SNX29: variants seen among roughly 807,000 people sequenced by gnomAD.
The protein encoded by SNX29 is sorting nexin-29.
Under a neutral mutation model 102.1 loss-of-function variants are expected in SNX29, and 78 were observed. That is an observed-to-expected ratio of 0.76 (90% CI 0.64 to 0.92). The LOEUF (loss-of-function observed/expected upper bound fraction) is 0.92. Among genes scored for constraint, SNX29 ranks in the 40% least tolerant of loss-of-function variants. The pLI, the probability that SNX29 is intolerant of heterozygous loss-of-function variation, is 0.00. For synonymous variants in SNX29, 580 were observed against 414.5 expected (o/e 1.40, Z -4.85); for missense variants, 1,280 against 1,061.7 (o/e 1.21, Z -2.86).
intron 19 of SNX29, among the ~76,000 whole-genome samples, chr16:12,514,886 AAGAGAG>A (rs904701320): frequency 2.7e-5 from 4 of 149,978 alleles, no homozygotes; most frequent in South Asian, 4.3e-4. Flanking sequence ...GAAAGAAAGA[AAGAGAG>A]AGAGAGAGGG....
At chr16:12,526,298 G>T (rs980723826) in intron 20 of SNX29, among the ~76,000 whole-genome samples, 2 of 152,084 alleles carry the variant, frequency 1.3e-5, no homozygotes, top group African/African-American at 4.8e-5. Context: ...CTTCTGTGGG[G>T]TGTGCTCCTG....
intron 18 of SNX29, among the ~76,000 whole-genome samples, chr16:12,412,420 A>G (rs978500762): frequency 1.3e-5 from 2 of 152,232 alleles, no homozygotes; most frequent in African/African-American, 2.4e-5. Context: ...CCTGAAAGGA[A>G]TTCTGTCACT....
chr16:12,563,416 T>G (rs2078843211), intron 20 of SNX29, among the ~76,000 whole-genome samples: 1 of 152,218 alleles, frequency 6.6e-6, no homozygotes, highest in South Asian at 2.1e-4. Context: ...CGACTGGATT[T>G]TGTTCCTTGC....
At chr16:12,206,668 T>C (rs1455437110) in intron 14 of SNX29, among the ~76,000 whole-genome samples, 1 of 152,092 alleles carries the variant, frequency 6.6e-6, no homozygotes, top group East Asian at 1.9e-4. Flanking sequence ...GAGAGGAGCT[T>C]CTCTCACTGT....
At chr16:12,112,585 C>T (rs976579033) in intron 11 of SNX29, among the ~76,000 whole-genome samples, 13 of 152,152 alleles carry the variant, frequency 8.5e-5, no homozygotes, top group African/African-American at 1.4e-4. Flanking sequence ...AAGTGAATGC[C>T]GAAGACGACA....
At chr16:12,174,391 C>T (rs2076215380) in intron 13 of SNX29, among the ~76,000 whole-genome samples, 1 of 152,212 alleles carries the variant, frequency 6.6e-6, no homozygotes. Context: ...AGACAGTGGT[C>T]CCATCTTGGC....
chr16:12,572,974 T>C lies in SNX29; in HGVS notation c.*4345T>C, dbSNP rs1341774746. ...GAGCAAGGTCAAAGATTTTTCAAAA[T>C]ATTGTGCATTAATTCATTAAAGCTA... On this transcript the variant is annotated 3_prime_UTR_variant, in exon 21 of 21. Coordinates refer to ENST00000566228, the MANE Select transcript of SNX29 (RefSeq NM_032167.5). 2 of 483,830 alleles carry C rather than the reference T, an allele frequency of 4.1e-6. No homozygotes were observed. The highest frequency in any genetic ancestry group is 5.8e-5 in the East Asian group (1 of 17,284). 30.0% of individuals were successfully genotyped at this position (483,830 alleles called of 1,614,324 possible).
intron 11 of SNX29, among the ~76,000 whole-genome samples, chr16:12,106,904 C>G (rs1030593819): frequency 6.6e-6 from 1 of 152,172 alleles, no homozygotes; most frequent in East Asian, 1.9e-4. Context: ...CTGCCTTGTA[C>G]TCCTGGACTC....
intron 11 of SNX29, among the ~76,000 whole-genome samples, chr16:12,112,451 C>T (rs920819138): frequency 6.6e-6 from 1 of 152,054 alleles, no homozygotes. Flanking sequence ...TTAGTCCCAT[C>T]CACGTGTATT....
chr16:12,436,043 G>T (rs1440587487), intron 18 of SNX29, among the ~76,000 whole-genome samples: 1 of 152,230 alleles, frequency 6.6e-6, no homozygotes, highest in Non-Finnish European at 1.5e-5. Flanking sequence ...ATCAAATGTT[G>T]TGGGGGCGGG....
At chr16:11,984,613 C>T (rs1355947365) in intron 1 of SNX29, among the ~76,000 whole-genome samples, 1 of 151,814 alleles carries the variant, frequency 6.6e-6, no homozygotes, top group Non-Finnish European at 1.5e-5. Context: ...CTTCCTCTCT[C>T]CCTCTCCTCC....
intron 15 of SNX29, among the ~76,000 whole-genome samples, chr16:12,295,160 T>G (rs2079937101): frequency 6.6e-6 from 1 of 152,214 alleles, no homozygotes; most frequent in Non-Finnish European, 1.5e-5. Context: ...GAGCTACAAG[T>G]CAAGATGAGA....
intron 20 of SNX29, among the ~76,000 whole-genome samples, chr16:12,550,348 A>C (rs1242833331): frequency 6.6e-6 from 1 of 152,176 alleles, no homozygotes; most frequent in Non-Finnish European, 1.5e-5. Context: ...CAGCCTAGCC[A>C]ACAAGAGGAA....
intron 15 of SNX29, among the ~76,000 whole-genome samples, chr16:12,307,524 C>G (rs1464058879): frequency 1.3e-5 from 2 of 152,168 alleles, no homozygotes; most frequent in Non-Finnish European, 2.9e-5. Flanking sequence ...AATTTTGTCC[C>G]CACTTTATTC....
chr16:12,088,681 C>T (rs1393665157), intron 11 of SNX29, among the ~76,000 whole-genome samples: 1 of 152,246 alleles, frequency 6.6e-6, no homozygotes, highest in African/African-American at 2.4e-5. Flanking sequence ...GGCAGTGGCG[C>T]ACGCCTGTAA....
At position 12,572,713 on chromosome 16, in the gene SNX29, T is replaced by C. The variant is rs2079213795; in HGVS notation, c.*4084T>C. 5.6e-6 allele frequency: 6 copies of C among 1,063,712 alleles called. No homozygotes were observed. Among genetic ancestry groups the C allele is most frequent in the Non-Finnish European group, 6.8e-6 (6 of 878,396 alleles). 65.9% of individuals were successfully genotyped at this position (1,063,712 alleles called of 1,614,324 possible). A position where few individuals can be genotyped will look rare whatever the true frequency, so the allele number is the denominator to read the frequency against. ...GCACTCCAGCAGCATCTTCCAGCCT[T>C]GGCACAGAACTGATGGCAAAGGAAG... On this transcript the variant is annotated 3_prime_UTR_variant, in exon 21 of 21. Coordinates refer to ENST00000566228, the MANE Select transcript of SNX29 (RefSeq NM_032167.5).
At position 12,574,115 on chromosome 16, in the gene SNX29, A is replaced by T. The variant is rs1773150290; in HGVS notation, c.*5486A>T. ...GTAGTATTATCTTAACTACCCTCTT[A>T]TGTTAAGGTTTACATAATAGGATTT... On this transcript the variant is annotated 3_prime_UTR_variant, in exon 21 of 21. Coordinates refer to ENST00000566228, the MANE Select transcript of SNX29 (RefSeq NM_032167.5). 5.4e-6 allele frequency: 1 copy of T among 185,268 alleles called. No individual in the cohort carries two copies. The highest frequency in any genetic ancestry group is 1.1e-5 in the Non-Finnish European group (1 of 87,588). 11.5% of individuals were successfully genotyped at this position (185,268 alleles called of 1,614,324 possible).
chr16:12,216,594 C>T (rs988256245), intron 14 of SNX29, among the ~76,000 whole-genome samples: 5 of 152,180 alleles, frequency 3.3e-5, no homozygotes, highest in African/African-American at 1.2e-4. Context: ...ATTATGCAGC[C>T]TGTACTGGGA....
intron 14 of SNX29, among the ~76,000 whole-genome samples, chr16:12,227,147 G>A (rs570792734): frequency 2.8e-3 from 2 of 712 alleles, no homozygotes; most frequent in Non-Finnish European, 0.026. Flanking sequence ...GGGTCTGGCG[G>A]ATTGGGTGCT....
Sources: allele counts gnomAD v4.1 joint callset (sites outside exome capture counted in the v4.1 genomes callset), GRCh38; gene constraint gnomAD v4.1.1; transcripts MANE v1.5; gene names NCBI Gene and HGNC (gene_info 2026-07-23, HGNC 2026-07-21).